VAV2: variants seen among roughly 807,000 people sequenced by gnomAD.
VAV2 encodes guanine nucleotide exchange factor VAV2.
A neutral mutation model predicts 132.5 loss-of-function variants in VAV2; 67 were observed. That is an observed-to-expected ratio of 0.51 (90% CI 0.42 to 0.62). The LOEUF (loss-of-function observed/expected upper bound fraction) is 0.62. Ranked by LOEUF, VAV2 falls within the 20% of genes least tolerant of loss-of-function variation. The pLI is 0.00. For synonymous variants in VAV2, 492 were observed against 443.5 expected (o/e 1.11, Z -1.37); for missense variants, 938 against 1,153.6 (o/e 0.81, Z 2.71).
At chr9:133,836,119 A>T (rs953393948) in intron 3 of VAV2, among the ~76,000 whole-genome samples, 19 of 152,150 alleles carry the variant, frequency 1.2e-4, no homozygotes, top group African/African-American at 4.6e-4. Context: ...CAAGGAATCC[A>T]TCTCCTCCCA....
chr9:133,827,171 ACCG>A, intron 4 of VAV2, among the ~76,000 whole-genome samples: 2 of 151,022 alleles, frequency 1.3e-5, no homozygotes, highest in South Asian at 2.1e-4. Flanking sequence ...TGTGCCACCT[ACCG>A]CTGCGCCCAC....
intron 2 of VAV2, among the ~76,000 whole-genome samples, chr9:133,873,964 G>C (rs1178607506): frequency 2.0e-5 from 3 of 152,166 alleles, no homozygotes; most frequent in Non-Finnish European, 4.4e-5. Flanking sequence ...TAGGCCTCCT[G>C]CCTGCCAGAT....
chr9:133,986,695 A>G (rs1842864967), intron 1 of VAV2, among the ~76,000 whole-genome samples: 1 of 152,228 alleles, frequency 6.6e-6, no homozygotes, highest in South Asian at 2.1e-4. Flanking sequence ...TTTAGACAAT[A>G]AAATCTATCC....
intron 2 of VAV2, among the ~76,000 whole-genome samples, chr9:133,872,667 G>C (rs1206928797): frequency 6.6e-6 from 1 of 152,152 alleles, no homozygotes; most frequent in Non-Finnish European, 1.5e-5. Flanking sequence ...GGGAGAAGTG[G>C]GCCCAGGTGG....
chr9:133,797,266 G>A (rs1163062573), intron 10 of VAV2, among the ~76,000 whole-genome samples: 1 of 151,956 alleles, frequency 6.6e-6, no homozygotes, highest in Non-Finnish European at 1.5e-5. Context: ...TGTTACCCGG[G>A]ACTCCCTGGG....
chr9:133,792,840 A>T (rs1250131103), intron 12 of VAV2, among the ~76,000 whole-genome samples: 1 of 152,062 alleles, frequency 6.6e-6, no homozygotes, highest in Admixed American at 6.5e-5. Flanking sequence ...ACACTGACCG[A>T]GAGCCACACC....
intron 2 of VAV2, among the ~76,000 whole-genome samples, chr9:133,937,541 T>TGTGTGTGAGA (rs1840971605): frequency 1.5e-4 from 9 of 58,920 alleles, no homozygotes; most frequent in Non-Finnish European, 3.1e-4. Flanking sequence ...TGTGTGAGAG[T>TGTGTGTGAGA]GTGTGTGTGT....
intron 2 of VAV2, among the ~76,000 whole-genome samples, chr9:133,927,319 C>T (rs1371875197): frequency 6.6e-6 from 1 of 152,170 alleles, no homozygotes. Flanking sequence ...TCCAGTCAGC[C>T]ACTACCAATC....
rs996050721 is a variant in VAV2, at chr9:133,857,910, G to C, written c.380+3464C>G. Among the ~76,000 whole-genome samples, 4 of 152,250 alleles carry C rather than the reference G, an allele frequency of 2.6e-5. No individual in the cohort carries two copies. The highest frequency in any genetic ancestry group is 5.9e-5 in the Non-Finnish European group (4 of 68,032). ...GAAGGGCAGGAAAGCCAGGCCCCGG[G>C]GAGGAGGGCCTGCAGAGGTCTTCCT... On this transcript the variant is annotated intron_variant, in intron 3 of 29. Transcript: ENST00000371850. This position sits in a 1 kb window ranked among gnomAD's most constrained non-coding sequence, Gnocchi z 4.0.
chr9:133,843,978 G>A (rs1836829423), intron 3 of VAV2, among the ~76,000 whole-genome samples: 1 of 152,182 alleles, frequency 6.6e-6, no homozygotes, highest in Non-Finnish European at 1.5e-5. Context: ...CCAGCTCCAA[G>A]GCCACCAGGG....
At chr9:133,911,730 G>A (rs1839892684) in intron 2 of VAV2, among the ~76,000 whole-genome samples, 1 of 152,160 alleles carries the variant, frequency 6.6e-6, no homozygotes, top group Admixed American at 6.5e-5. Context: ...CACTAAAGAC[G>A]CCATGTCCAA....
chr9:133,970,402 T>C (rs1842290778), intron 1 of VAV2, among the ~76,000 whole-genome samples: 1 of 152,134 alleles, frequency 6.6e-6, no homozygotes, highest in Non-Finnish European at 1.5e-5. Context: ...CCAGGGACCT[T>C]GGCCCACACG....
At chr9:133,958,251 C>A (rs1841853020) in intron 1 of VAV2, among the ~76,000 whole-genome samples, 1 of 124,880 alleles carries the variant, frequency 8.0e-6, no homozygotes. Flanking sequence ...GCAGTTGAGA[C>A]AAGAGGAAGG....
At chr9:133,789,420 G>A (rs1388636863) in intron 13 of VAV2, 77 bp from the exon 14 acceptor site, 2 of 1,433,462 alleles carry the variant, frequency 1.4e-6, no homozygotes, top group East Asian at 2.3e-5. Context: ...AGGGCAGACT[G>A]TCGTGCACCC....
At chr9:133,783,691 C>T in intron 18 of VAV2, 100 bp from the exon 19 acceptor site, 1 of 1,055,948 alleles carries the variant, frequency 9.5e-7, no homozygotes, top group Non-Finnish European at 1.5e-6. Context: ...GCTCACCTGG[C>T]TGGCTGTCTC....
At chr9:133,860,669 T>C (rs1837558885) in intron 3 of VAV2, among the ~76,000 whole-genome samples, 1 of 151,420 alleles carries the variant, frequency 6.6e-6, no homozygotes, top group African/African-American at 2.5e-5. Context: ...AGCCTCTCCT[T>C]CTCACCCTGC....
rs1044624267 is a variant in VAV2, at chr9:133,826,167, G to A, written c.449+8105C>T. 3.3e-5 allele frequency among the ~76,000 whole-genome samples: 5 copies of A among 152,204 alleles called. No homozygotes were observed. Among genetic ancestry groups the A allele is most frequent in the African/African-American group, 9.7e-5 (4 of 41,448 alleles). Reference sequence around the variant, plus strand: ...GGATTCACAGACCATCTGGGCAGATGCTTTCGTTTCAGAGACTGGGAAACT... The same window carrying A: ...GGATTCACAGACCATCTGGGCAGATACTTTCGTTTCAGAGACTGGGAAACT... On this transcript the variant is annotated intron_variant, in intron 4 of 29. Coordinates refer to ENST00000371850, the MANE Select transcript of VAV2 (RefSeq NM_001134398.2). The surrounding 1 kb of genome is among the most constrained non-coding windows in gnomAD (Gnocchi z 4.2).
In VAV2 at chr9:133,919,969, G is replaced by A. The variant is rs1840235613; in HGVS notation, c.321+19134C>T. ...CTGCTCTGCCAGGCCCCAGGCATCAGTCAGCACCTGTTCTCTGCGCTGAGC... is the reference window on the plus strand; with the variant it reads ...CTGCTCTGCCAGGCCCCAGGCATCAATCAGCACCTGTTCTCTGCGCTGAGC... On this transcript the variant is annotated intron_variant, in intron 2 of 29. Transcript: ENST00000371850. The surrounding 1 kb of genome is among the most constrained non-coding windows in gnomAD (Gnocchi z 5.8). Among the ~76,000 whole-genome samples the A allele has an allele frequency of 6.6e-6, 1 of 152,210 alleles. No individual in the cohort carries two copies. The highest frequency in any genetic ancestry group is 2.4e-5 in the African/African-American group (1 of 41,468).
rs1028902381 is a variant in VAV2, at chr9:133,826,495, A to C, written c.449+7777T>G. Among the ~76,000 whole-genome samples the C allele has an allele frequency of 6.6e-6, 1 of 152,138 alleles. No individual in the cohort carries two copies. Among genetic ancestry groups the C allele is most frequent in the Admixed American group, 6.5e-5 (1 of 15,276 alleles). ...CACTCCCTCCTCATGCAGCCACCGG[A>C]GTGGCGGGGTGCCTTCCCACAGCAG... On this transcript the variant is annotated intron_variant, in intron 4 of 29. Coordinates refer to ENST00000371850, the MANE Select transcript of VAV2 (RefSeq NM_001134398.2). The surrounding 1 kb of genome is among the most constrained non-coding windows in gnomAD (Gnocchi z 4.2).
Sources: allele counts gnomAD v4.1 joint callset (sites outside exome capture counted in the v4.1 genomes callset), GRCh38; gene constraint gnomAD v4.1.1; non-coding constraint Gnocchi (gnomAD v3.1); transcripts MANE v1.5; gene names NCBI Gene and HGNC (gene_info 2026-07-23, HGNC 2026-07-21).